Variants in SDK1 observed in about 807,000 individuals in gnomAD.
SDK1 encodes the protein protein sidekick-1.
SDK1 carries 157 observed loss-of-function variants against 245.5 expected under a neutral mutation model. That is an observed-to-expected ratio of 0.64 (90% CI 0.56 to 0.73). SDK1 has a LOEUF of 0.73. Ranked by LOEUF, SDK1 falls within the 30% of genes least tolerant of loss-of-function variation. SDK1 has a pLI of 0.00. For synonymous variants in SDK1, 1,647 were observed against 1,278.5 expected, an observed-to-expected ratio of 1.29 and a Z score of -6.15; for missense variants, 3,583 against 3,002.3, an observed-to-expected ratio of 1.19 and a Z score of -4.52.
At chr7:4,132,872 A>G (rs1367478128) in intron 28 of SDK1, among the ~76,000 whole-genome samples, 1 of 152,226 alleles carries the variant, frequency 6.6e-6, no homozygotes. Flanking sequence ...CGAGATGATC[A>G]TGGGCCTCTT....
chr7:4,018,742 T>C (rs1027111273), intron 17 of SDK1, among the ~76,000 whole-genome samples: 4 of 152,208 alleles, frequency 2.6e-5, no homozygotes, highest in African/African-American at 9.6e-5. Context: ...CTTTGGACTC[T>C]GGCTTTTATT....
chr7:3,796,149 A>G lies in SDK1; in HGVS notation c.714-25301A>G, dbSNP rs537000836. On this transcript the variant is annotated intron_variant, in intron 4 of 44. Coordinates refer to ENST00000404826, the MANE Select transcript of SDK1 (RefSeq NM_152744.4). The stretch of plus-strand genomic sequence containing the variant: ...TGTTGAAGAGGAAGAAATAATGATT[A>G]AAGTGATAGAAAACAGTTCTGCAAA... Among the ~76,000 whole-genome samples, 4 of 152,350 alleles carry G rather than the reference A, an allele frequency of 2.6e-5. No homozygotes were observed. In the East Asian group the frequency reaches 7.7e-4, roughly 29 times the overall value.
chr7:3,540,759 A>C (rs1779031745), intron 1 of SDK1, among the ~76,000 whole-genome samples: 1 of 152,242 alleles, frequency 6.6e-6, no homozygotes, highest in Non-Finnish European at 1.5e-5. Context: ...CTCTGGCAAG[A>C]AAAGAGTCCA....
intron 13 of SDK1, 37 bp downstream of exon 13, chr7:3,974,582 GT>G: frequency 6.3e-7 from 1 of 1,592,596 alleles, no homozygotes; most frequent in Admixed American, 1.7e-5. Flanking sequence ...CCAGTCCGCG[GT>G]TTTCTCCGTT....
At chr7:4,210,971 C>A (rs1784481673) in intron 38 of SDK1, among the ~76,000 whole-genome samples, 1 of 152,190 alleles carries the variant, frequency 6.6e-6, no homozygotes, top group African/African-American at 2.4e-5. Context: ...GAGGATCCGC[C>A]AATCTAGGGG....
chr7:3,542,000 C>G (rs1385814527), intron 1 of SDK1, among the ~76,000 whole-genome samples: 2 of 152,180 alleles, frequency 1.3e-5, no homozygotes, highest in Non-Finnish European at 2.9e-5. Context: ...CACATGTATA[C>G]ATATGTAACA....
At chr7:3,440,237 T>C (rs1262603417) in intron 1 of SDK1, among the ~76,000 whole-genome samples, 3 of 152,208 alleles carry the variant, frequency 2.0e-5, no homozygotes, top group African/African-American at 7.2e-5. Flanking sequence ...GGAGCTTTTA[T>C]AGAGCATCTT....
chr7:3,908,277 A>G (rs6953707), intron 5 of SDK1, among the ~76,000 whole-genome samples: 50,649 of 152,112 alleles, frequency 0.33, 11,331 homozygotes, highest in African/African-American at 0.64. Flanking sequence ...AAGTTCTGTC[A>G]TGGGATGGAA....
At chr7:3,745,347 T>C (rs927820026) in intron 4 of SDK1, among the ~76,000 whole-genome samples, 2 of 152,212 alleles carry the variant, frequency 1.3e-5, no homozygotes, top group African/African-American at 4.8e-5. Context: ...TTTTGAAATG[T>C]AGACTCACAA....
intron 22 of SDK1, among the ~76,000 whole-genome samples, chr7:4,089,369 G>A (rs1329600773): frequency 6.6e-6 from 1 of 152,218 alleles, no homozygotes; most frequent in East Asian, 1.9e-4. Flanking sequence ...CCATTTGTGA[G>A]GCTTGGAAAT....
intron 4 of SDK1, among the ~76,000 whole-genome samples, chr7:3,782,444 C>G: frequency 6.6e-6 from 1 of 152,302 alleles, no homozygotes; most frequent in South Asian, 2.1e-4. Context: ...AATGTGAAAT[C>G]ATATCAACCC....
intron 1 of SDK1, among the ~76,000 whole-genome samples, chr7:3,472,374 T>C (rs1376398076): frequency 1.3e-5 from 2 of 150,204 alleles, no homozygotes; most frequent in Non-Finnish European, 3.0e-5. Context: ...TTAGGTGCTG[T>C]GAAGGAAATG....
chr7:3,570,130 A>G (rs1483380908), intron 1 of SDK1, among the ~76,000 whole-genome samples: 1 of 152,124 alleles, frequency 6.6e-6, no homozygotes, highest in East Asian at 1.9e-4. Flanking sequence ...CAAGCCTTGG[A>G]CTGCATGTTT....
intron 1 of SDK1, among the ~76,000 whole-genome samples, chr7:3,487,334 C>G (rs1781731201): frequency 6.6e-6 from 1 of 152,080 alleles, no homozygotes; most frequent in Admixed American, 6.6e-5. Flanking sequence ...TTTTGAATCA[C>G]TATGGAAAAT....
At chr7:3,771,343 C>T (rs1390411925) in intron 4 of SDK1, among the ~76,000 whole-genome samples, 4 of 152,070 alleles carry the variant, frequency 2.6e-5, no homozygotes, top group Non-Finnish European at 5.9e-5. Flanking sequence ...ACAGGATCAG[C>T]CCAGAGTCAA....
At chr7:3,628,552 T>C (rs1583245274) in intron 2 of SDK1, among the ~76,000 whole-genome samples, 1 of 152,248 alleles carries the variant, frequency 6.6e-6, no homozygotes, top group Non-Finnish European at 1.5e-5. Flanking sequence ...AACATCCTTA[T>C]CCACAACAGA....
intron 5 of SDK1, among the ~76,000 whole-genome samples, chr7:3,836,851 G>T (rs926266467): frequency 2.6e-5 from 4 of 152,148 alleles, no homozygotes; most frequent in African/African-American, 9.7e-5. Flanking sequence ...CTGAAAACTG[G>T]AAGTCCAAGA....
At position 4,005,121 on chromosome 7, in the gene SDK1, C is replaced by A. The variant is rs367712661; in HGVS notation, c.2132-5845C>A. Reference sequence around the variant, plus strand: ...AGTGCAGTGGCTTCATCTTGGCTCACTGCAACCTCCATCTCCTGGGTTCAA... The same window carrying A: ...AGTGCAGTGGCTTCATCTTGGCTCAATGCAACCTCCATCTCCTGGGTTCAA... On this transcript the variant is annotated intron_variant, in intron 14 of 44. Transcript: ENST00000404826. 2.1e-4 allele frequency among the ~76,000 whole-genome samples: 30 copies of A among 141,148 alleles called. No individual in the cohort carries two copies. In the East Asian group the frequency reaches 6.3e-3, roughly 30 times the overall value. The allele number at this position is 141,148 out of a possible 152,430, so 92.6% of individuals were successfully genotyped here.
intron 1 of SDK1, among the ~76,000 whole-genome samples, chr7:3,336,335 C>T (rs1255311930): frequency 6.6e-6 from 1 of 152,188 alleles, no homozygotes; most frequent in Non-Finnish European, 1.5e-5. Context: ...GTGGTGCTGA[C>T]AGCGCCTAGT....
Sources: allele counts gnomAD v4.1 joint callset (sites outside exome capture counted in the v4.1 genomes callset), GRCh38; gene constraint gnomAD v4.1.1; transcripts MANE v1.5; gene names NCBI Gene and HGNC (gene_info 2026-07-23, HGNC 2026-07-21).